ZGRF1: variants seen among roughly 807,000 people sequenced by gnomAD.
The protein encoded by ZGRF1 is 5'-3' DNA helicase ZGRF1.
ZGRF1 carries 196 observed loss-of-function variants against 203.5 expected under a neutral mutation model. That is an observed-to-expected ratio of 0.96 (90% CI 0.86 to 1.08). The LOEUF is 1.08. ZGRF1 is among the 50% of genes least tolerant of loss of function. The pLI is 0.00. For missense variants in ZGRF1, 2,326 were observed against 2,416.3 expected, an observed-to-expected ratio of 0.96 and a Z score of 0.78; for synonymous variants, 809 against 841.3, an observed-to-expected ratio of 0.96 and a Z score of 0.66.
intron 10 of ZGRF1, among the ~76,000 whole-genome samples, chr4:112,596,165 G>A (rs1189296745): frequency 6.6e-6 from 1 of 152,146 alleles, no homozygotes; most frequent in African/African-American, 2.4e-5. Context: ...ATATACAGAG[G>A]ATGAGAAACA....
At chr4:112,588,180 T>A (rs1007355518) in intron 11 of ZGRF1, among the ~76,000 whole-genome samples, 4 of 152,146 alleles carry the variant, frequency 2.6e-5, no homozygotes, top group Non-Finnish European at 5.9e-5. Flanking sequence ...TCCTTTTTTT[T>A]TCCTAATTAC....
intron 10 of ZGRF1, among the ~76,000 whole-genome samples, chr4:112,590,914 G>A (rs1388186327): frequency 2.3e-5 from 3 of 132,422 alleles, no homozygotes; most frequent in South Asian, 2.5e-4. Context: ...AACAGAGCAA[G>A]ACTCCTTCTC....
chr4:112,540,892 A>G lies in ZGRF1; in HGVS notation c.5839T>C (p.Ser1947Pro). ...CCTGCTATTCCACTTGCAATCAGTG[A>G]TTGAATCAGCTTGAGTGTAAACGTA... ...EATFTLKLIQ[S>P]LIASGIAGSM... Residue 1947 changes from serine (S) to proline (P), a missense_variant, in exon 26 of 28, where the codon TCA (serine) becomes CCA (proline). Transcript: ENST00000505019. 6.3e-7 allele frequency: 1 copy of G among 1,587,534 alleles called. No individual in the cohort carries two copies. Among genetic ancestry groups the G allele is most frequent in the South Asian group, 1.1e-5 (1 of 87,344 alleles).
In ZGRF1 at chr4:112,558,201, T is replaced by G; in HGVS notation, c.5069A>C (p.Lys1690Thr). 6.2e-7 allele frequency: 1 copy of G among 1,609,188 alleles called. No individual in the cohort carries two copies. The highest frequency in any genetic ancestry group is 1.1e-5 in the South Asian group (1 of 89,994). The change falls in exon 20 of 28, where the codon AAA (lysine) becomes ACA (threonine). Residue 1690 changes from lysine to threonine, a missense_variant. Physicochemically the swap from Lys to Thr is moderately conservative, Grantham distance 78 (BLOSUM62 -1). Transcript: ENST00000505019. Reference sequence around the variant, plus strand: ...ATTAGTAGAAGAAGAAATCAGAAGTTTCCACGGCCTTGCATTTCCAATGGT... The same window carrying G: ...ATTAGTAGAAGAAGAAATCAGAAGTGTCCACGGCCTTGCATTTCCAATGGT... ...APTIGNARPW[K>T]LLISSSTNVA...
At chr4:112,633,087 G>A in intron 2 of ZGRF1, 69 bp downstream of exon 2, 2 of 1,378,170 alleles carry the variant, frequency 1.5e-6, no homozygotes, top group East Asian at 2.3e-5. Flanking sequence ...AGATGTTTGT[G>A]AAACGCCTTT....
In ZGRF1 at chr4:112,617,855, G is replaced by A. The variant is rs753200391; in HGVS notation, c.2187C>T (p.Pro729=). ...CACTGTTGTCACTACTAGAAGTTGAGGGTAAAACATGTTCATCATTTTTGT... is the reference window on the plus strand; with the variant it reads ...CACTGTTGTCACTACTAGAAGTTGAAGGTAAAACATGTTCATCATTTTTGT... ...DLDKNDEHVL[P]STSSSDNSVQ... is the part of the protein sequence containing the mutation. Residue 729 remains proline (P), a synonymous_variant, in exon 6 of 28, where the codon CCC becomes CCT. Transcript: ENST00000505019. 1 of 1,613,974 alleles carries A rather than the reference G, an allele frequency of 6.2e-7. No individual in the cohort carries two copies. The highest frequency in any genetic ancestry group is 8.5e-7 in the Non-Finnish European group (1 of 1,179,968).
chr4:112,563,937 C>T (rs930589835), intron 16 of ZGRF1, among the ~76,000 whole-genome samples: 4 of 152,140 alleles, frequency 2.6e-5, no homozygotes, highest in Non-Finnish European at 5.9e-5. Context: ...TATGCAGCGC[C>T]CACATGACTT....
chr4:112,600,002 C>T (rs752159219), intron 10 of ZGRF1, among the ~76,000 whole-genome samples: 1 of 152,042 alleles, frequency 6.6e-6, no homozygotes, highest in South Asian at 2.1e-4. Context: ...AAAGCTTGTA[C>T]AAGATAATAT....
Position 112,631,012 on chromosome 4 carries a change from ATC to A in ZGRF1, c.102+916_102+917del, listed in dbSNP as rs1458811723. 2.6e-5 allele frequency among the ~76,000 whole-genome samples: 4 copies of A among 152,258 alleles called. No homozygotes were observed. In the East Asian group the frequency reaches 7.7e-4, roughly 29 times the overall value. ...CTTTGACCCTTGGGCAAGCTACTCC[ATC>A]TCTCTGTACCCCAGTTTCATCTTCA... On this transcript the variant is annotated intron_variant, in intron 3 of 27. Transcript: ENST00000505019.
chr4:112,609,801 A>G (rs1751315385), intron 7 of ZGRF1, among the ~76,000 whole-genome samples: 3 of 151,334 alleles, frequency 2.0e-5, no homozygotes, highest in Admixed American at 1.3e-4. Context: ...TCCATCTCAA[A>G]ACGAAGAAAA....
At chr4:112,573,318 C>T (rs1333915420) in intron 16 of ZGRF1, among the ~76,000 whole-genome samples, 2 of 151,898 alleles carry the variant, frequency 1.3e-5, no homozygotes, top group African/African-American at 4.8e-5. Context: ...AATCAAACAT[C>T]GTATGTTCTT....
At chr4:112,563,695 T>G (rs1440032586) in intron 16 of ZGRF1, among the ~76,000 whole-genome samples, 1 of 152,234 alleles carries the variant, frequency 6.6e-6, no homozygotes, top group Non-Finnish European at 1.5e-5. Flanking sequence ...CCGTTCAGGC[T>G]GCCATAACAA....
chr4:112,560,562 T>C (rs992960183), intron 19 of ZGRF1, among the ~76,000 whole-genome samples, 171 bp downstream of exon 19: 1 of 152,222 alleles, frequency 6.6e-6, no homozygotes, highest in African/African-American at 2.4e-5. Flanking sequence ...CCTTTTAGGG[T>C]AGTCAGTTCT....
intron 1 of ZGRF1, among the ~76,000 whole-genome samples, chr4:112,636,212 A>G (rs1336082289): frequency 6.6e-6 from 1 of 152,206 alleles, no homozygotes; most frequent in Non-Finnish European, 1.5e-5. Flanking sequence ...ATAAGTTTTT[A>G]AAGACCCCAG....
At chr4:112,564,895 C>T (rs1467684275) in intron 16 of ZGRF1, 1 of 648,758 alleles carries the variant, frequency 1.5e-6, no homozygotes, top group African/African-American at 1.8e-5. Flanking sequence ...CAGCCGCCAC[C>T]GCGCCGCCGT....
intron 3 of ZGRF1, chr4:112,628,796 T>C (rs1006375330): frequency 2.3e-6 from 1 of 439,730 alleles, no homozygotes; most frequent in Non-Finnish European, 4.5e-6. Flanking sequence ...ACAAAGGATA[T>C]GCAGAATCCA....
At chr4:112,605,909 G>T (rs1578425044) in intron 9 of ZGRF1, 99 bp downstream of exon 9, 2 of 773,642 alleles carry the variant, frequency 2.6e-6, no homozygotes, top group East Asian at 2.5e-5. Flanking sequence ...CTAACCTTCT[G>T]CCTGTGAAAA....
chr4:112,540,255 G>C (rs1737305482), intron 26 of ZGRF1, 131 bp from the exon 27 acceptor site: 1 of 550,532 alleles, frequency 1.8e-6, no homozygotes, highest in South Asian at 6.9e-5. Flanking sequence ...GACTCACATA[G>C]ACTTGGCTAG....
intron 20 of ZGRF1, among the ~76,000 whole-genome samples, chr4:112,555,815 TAG>T (rs1269136916): frequency 2.0e-5 from 3 of 152,340 alleles, no homozygotes; most frequent in Admixed American, 6.5e-5. Context: ...AGATCCTAAT[TAG>T]AGATTCACAT....
Sources: allele counts gnomAD v4.1 joint callset (sites outside exome capture counted in the v4.1 genomes callset), GRCh38; gene constraint gnomAD v4.1.1; transcripts MANE v1.5; gene names NCBI Gene and HGNC (gene_info 2026-07-23, HGNC 2026-07-21).